ATOX1: variants seen among roughly 807,000 people sequenced by gnomAD.
ATOX1 encodes copper transport protein ATOX1.
A neutral mutation model predicts 7.3 loss-of-function variants in ATOX1; 4 were observed. The observed-to-expected ratio is 0.55, with a 90% CI of 0.27 to 1.25. The LOEUF is 1.25. Among genes scored for constraint, ATOX1 ranks in the 50% most tolerant of loss-of-function variants. The pLI is 0.12. For missense variants in ATOX1, 68 were observed against 81.6 expected, an observed-to-expected ratio of 0.83 and a Z score of 0.64; for synonymous variants, 25 against 28.7, an observed-to-expected ratio of 0.87 and a Z score of 0.41.
chr5:151,746,477 G>A (rs373650693), intron 2 of ATOX1, 28 bp from the exon 3 acceptor site: 39 of 1,612,822 alleles, frequency 2.4e-5, no homozygotes, highest in Non-Finnish European at 2.9e-5. Context: ...GGGGTATGGG[G>A]AGAGGAAGCA....
At chr5:151,753,295 A>C (rs1017128406) in intron 1 of ATOX1, among the ~76,000 whole-genome samples, 2 of 152,060 alleles carry the variant, frequency 1.3e-5, no homozygotes, top group Non-Finnish European at 2.9e-5. Flanking sequence ...CAAATTCCTG[A>C]CTCTCAGAAA....
In ATOX1 at chr5:151,746,260, G is replaced by C; in HGVS notation, c.*46+19C>G. ...TGTGAGCTGTAGGTTTGTTCAGCAA[G>C]TGCTGGGGCCTTACCCACCTGCCCC... On this transcript the variant is annotated intron_variant, in intron 3 of 3. Transcript: ENST00000313115. The C allele has an allele frequency of 1.3e-6, 2 of 1,597,404 alleles. No homozygotes were observed. Among genetic ancestry groups the C allele is most frequent in the Non-Finnish European group, 1.7e-6 (2 of 1,173,208 alleles).
At chr5:151,751,466 G>A (rs1414237635) in intron 2 of ATOX1, among the ~76,000 whole-genome samples, 2 of 151,902 alleles carry the variant, frequency 1.3e-5, no homozygotes, top group Non-Finnish European at 2.9e-5. Context: ...AACTTCAGCT[G>A]TCTCCTGTTT....
intron 2 of ATOX1, 62 bp from the exon 3 acceptor site, chr5:151,746,511 A>G: frequency 6.2e-7 from 1 of 1,602,676 alleles, no homozygotes. Flanking sequence ...TTACAGCAAG[A>G]AAGAGTTCAG....
intron 2 of ATOX1, among the ~76,000 whole-genome samples, chr5:151,749,831 C>T (rs1761924684): frequency 6.6e-6 from 1 of 152,124 alleles, no homozygotes; most frequent in Admixed American, 6.6e-5. Context: ...GTTTCAGTTT[C>T]TTTCAGATTA....
intron 1 of ATOX1, among the ~76,000 whole-genome samples, chr5:151,757,262 A>G (rs1561523638): frequency 1.3e-5 from 2 of 152,202 alleles, no homozygotes; most frequent in Non-Finnish European, 1.5e-5. Flanking sequence ...CAGAAGATAC[A>G]GAATACAGTG....
In ATOX1 at chr5:151,746,600, G is replaced by C; in HGVS notation, c.83-151C>G. ...GGCAAACTTCTTCTGTAACAGGCCA[G>C]AAAGCAAATGTTTTAGGCATTGTGG... is the stretch of plus-strand genomic sequence containing the variant. On this transcript the variant is annotated intron_variant, in intron 2 of 3. Transcript: ENST00000313115. 2 of 972,148 alleles carry C rather than the reference G, an allele frequency of 2.1e-6. 1 individual carries two copies. 60.2% of individuals were successfully genotyped at this position (972,148 alleles called of 1,614,324 possible). A position where few individuals can be genotyped will look rare whatever the true frequency, so the allele number is the denominator to read the frequency against.
intron 3 of ATOX1, chr5:151,743,840 T>G (rs1000023217): frequency 6.6e-6 from 1 of 152,290 alleles, no homozygotes; most frequent in South Asian, 2.1e-4. Flanking sequence ...CTTGGTGAAA[T>G]AAATACTAAC....
At chr5:151,746,568 A>G in intron 2 of ATOX1, 119 bp from the exon 3 acceptor site, 1 of 1,375,064 alleles carries the variant, frequency 7.3e-7, no homozygotes, top group African/African-American at 1.4e-5. Context: ...CCTCTAGAGC[A>G]GGGATCGGCA....
Position 151,754,134 on chromosome 5 carries a change from A to G in ATOX1, c.7-2355T>C, listed in dbSNP as rs28917187. On this transcript the variant is annotated intron_variant, in intron 1 of 3. Transcript: ENST00000313115. Reference sequence around the variant, plus strand: ...AAGAAGGATTTGTAGTAAGTATTACAAAATCTTGTCTTTAAAATGTGGTCC... The same window carrying G: ...AAGAAGGATTTGTAGTAAGTATTACGAAATCTTGTCTTTAAAATGTGGTCC... The G allele has an allele frequency of 4.6e-5, 7 of 152,344 alleles. No homozygotes were observed. The East Asian group carries it at 1.2e-3, about 25-fold the overall frequency. 9.4% of individuals were successfully genotyped at this position (152,344 alleles called of 1,614,324 possible).
At chr5:151,747,964 A>C (rs1051324112) in intron 2 of ATOX1, among the ~76,000 whole-genome samples, 2 of 152,206 alleles carry the variant, frequency 1.3e-5, no homozygotes, top group African/African-American at 4.8e-5. Context: ...CCACTGTTAA[A>C]GGTCATTGAG....
intron 2 of ATOX1, among the ~76,000 whole-genome samples, chr5:151,749,766 C>T (rs945855166): frequency 6.6e-6 from 1 of 151,972 alleles, no homozygotes; most frequent in African/African-American, 2.4e-5. Context: ...AACCCAGGCC[C>T]GAGAAAGAAG....
At position 151,746,315 on chromosome 5, in the gene ATOX1, C is replaced by T. The variant is rs749135060; in HGVS notation, c.*10G>A. 6.2e-7 allele frequency: 1 copy of T among 1,612,602 alleles called. No individual in the cohort carries two copies. Among genetic ancestry groups the T allele is most frequent in the Non-Finnish European group, 8.5e-7 (1 of 1,179,438 alleles). ...GGTCCATCCTGTGGGCTGTGGGGAC[C>T]AGGCCCCTGCTACTCAAGGCCAAGG... On this transcript the variant is annotated 3_prime_UTR_variant, in exon 3 of 4. Coordinates refer to ENST00000313115, the MANE Select transcript of ATOX1 (RefSeq NM_004045.4).
At chr5:151,758,401 G>C (rs1278957767) in intron 1 of ATOX1, 145 bp downstream of exon 1, 1 of 1,289,626 alleles carries the variant, frequency 7.8e-7, no homozygotes, top group African/African-American at 1.6e-5. Context: ...CAAAAGCTGG[G>C]GGCTGGGTGG....
intron 2 of ATOX1, among the ~76,000 whole-genome samples, chr5:151,747,804 G>C (rs973976788): frequency 5.3e-5 from 8 of 152,162 alleles, no homozygotes; most frequent in African/African-American, 1.9e-4. Flanking sequence ...GGCCAGGTTG[G>C]TCTTGAATTC....
At chr5:151,746,472 A>T in intron 2 of ATOX1, 23 bp from the exon 3 acceptor site, 1 of 1,613,110 alleles carries the variant, frequency 6.2e-7, no homozygotes, top group Non-Finnish European at 8.5e-7. Flanking sequence ...GAAATGGGGT[A>T]TGGGGAGAGG....
chr5:151,747,283 T>TTTTA lies in ATOX1; in HGVS notation c.83-838_83-835dup, dbSNP rs28917206. On this transcript the variant is annotated intron_variant, in intron 2 of 3. Transcript: ENST00000313115. ...TTTACTTTTCTCTTTATTTATTCAT[T>TTTTA]TTTATTTATTTATTTATTTAGAGAC... 1.5e-3 allele frequency among the ~76,000 whole-genome samples: 225 copies of TTTTA among 152,086 alleles called. 3 individuals carry two copies. The East Asian group carries it at 0.031, about 21-fold the overall frequency.
intron 2 of ATOX1, among the ~76,000 whole-genome samples, chr5:151,749,964 A>G (rs1226652519): frequency 6.6e-6 from 1 of 152,276 alleles, no homozygotes; most frequent in Non-Finnish European, 1.5e-5. Context: ...TACAGCTCAG[A>G]GGACTGCTAA....
chr5:151,743,925 T>TA (rs1188291411), intron 3 of ATOX1: 1 of 152,122 alleles, frequency 6.6e-6, no homozygotes, highest in Non-Finnish European at 1.5e-5. Flanking sequence ...CTTCCTATCA[T>TA]AAAAAATCTA....
Sources: gnomAD v4.1 joint callset for allele counts (sites outside exome capture counted in the v4.1 genomes callset) on GRCh38, gnomAD v4.1.1 for gene constraint, MANE v1.5 for transcripts, NCBI Gene and HGNC (gene_info 2026-07-23, HGNC 2026-07-21) for gene names.